The following MOGAT1 variants were observed in gnomAD, a reference collection of about 807,000 sequenced individuals.
MOGAT1 encodes monoacylglycerol O-acyltransferase 1, also known as 2-acylglycerol O-acyltransferase 1.
In MOGAT1, 32 loss-of-function variants were observed where a neutral mutation model predicts 31.4. The observed-to-expected ratio is 1.02, with a 90% CI of 0.77 to 1.37. The LOEUF (loss-of-function observed/expected upper bound fraction) is 1.37, where lower values mean the gene tolerates loss of function less well. Ranked by LOEUF, MOGAT1 falls within the 40% of genes most tolerant of loss-of-function variation. The pLI, the probability that MOGAT1 is intolerant of heterozygous loss-of-function variation, is 0.00. For missense variants in MOGAT1, 426 were observed against 402.0 expected (o/e 1.06, Z -0.51); for synonymous variants, 145 against 144.5 (o/e 1.00, Z -0.03).
At chr2:222,708,145 G>A (rs745953345) in intron 5 of MOGAT1, among the ~76,000 whole-genome samples, 12 of 152,242 alleles carry the variant, frequency 7.9e-5, no homozygotes, top group Non-Finnish European at 1.5e-4. Flanking sequence ...GTGCAGTGGC[G>A]CAATCCGGTC....
Position 222,688,490 on chromosome 2 carries a change from T to G in MOGAT1, c.241T>G (p.Trp81Gly). 6.2e-7 allele frequency: 1 copy of G among 1,613,576 alleles called. No individual in the cohort carries two copies. Among genetic ancestry groups the G allele is most frequent in the South Asian group, 1.1e-5 (1 of 90,946 alleles). ...CAGCTGGATCAAAAATTGGACTCTTTGGAAACACTTTAAGGACTATTTTCC... is the reference window on the plus strand; with the variant it reads ...CAGCTGGATCAAAAATTGGACTCTTGGGAAACACTTTAAGGACTATTTTCC... ...RSSWIKNWTL[W>G]KHFKDYFPIH... Residue 81 changes from tryptophan (W) to glycine (G), a missense_variant, in exon 2 of 6, where the codon TGG (tryptophan) becomes GGG (glycine). By Grantham distance (184) the Trp-to-Gly change is radical (BLOSUM62 -2). Transcript: ENST00000446656.
In MOGAT1 at chr2:222,685,729, T is replaced by G. The variant is rs183085720; in HGVS notation, c.95-2615T>G. On this transcript the variant is annotated intron_variant, in intron 1 of 5. Coordinates refer to ENST00000446656, the MANE Select transcript of MOGAT1 (RefSeq NM_058165.3). Reference sequence around the variant, plus strand: ...GATTCTCCTGCCTCAACCTCCGAAATAGCTGGGATTACAGGCACCCACCAC... The same window carrying G: ...GATTCTCCTGCCTCAACCTCCGAAAGAGCTGGGATTACAGGCACCCACCAC... Among the ~76,000 whole-genome samples the G allele has an allele frequency of 9.4e-3, 1,412 of 150,056 alleles. 26 individuals carry two copies. The highest frequency in any genetic ancestry group is 0.033 in the African/African-American group (1,349 of 40,790).
chr2:222,703,173 T>C (rs1256222185), intron 5 of MOGAT1, among the ~76,000 whole-genome samples: 2 of 152,054 alleles, frequency 1.3e-5, no homozygotes, highest in Admixed American at 6.6e-5. Context: ...AGAAAGGCAA[T>C]TGTGGAAAAA....
At chr2:222,698,108 G>A (rs547236351) in intron 5 of MOGAT1, among the ~76,000 whole-genome samples, 1 of 116,778 alleles carries the variant, frequency 8.6e-6, no homozygotes, top group East Asian at 2.0e-4. Context: ...CATAGCAGAT[G>A]GGGTTTTAGT....
intron 5 of MOGAT1, among the ~76,000 whole-genome samples, chr2:222,698,002 G>T (rs1236963514): frequency 6.6e-6 from 1 of 152,086 alleles, no homozygotes; most frequent in African/African-American, 2.4e-5. Flanking sequence ...CAGAAGGACC[G>T]AATTATCAGA....
chr2:222,701,765 G>T (rs991834200), intron 5 of MOGAT1, among the ~76,000 whole-genome samples: 1 of 152,232 alleles, frequency 6.6e-6, no homozygotes. Context: ...ATGCTCCAGC[G>T]CTGGCCACAT....
chr2:222,671,762 G>T lies in MOGAT1; in HGVS notation c.-24G>T, dbSNP rs1244195473. 5 of 1,544,776 alleles carry T rather than the reference G, an allele frequency of 3.2e-6. No individual in the cohort carries two copies. Among genetic ancestry groups the T allele is most frequent in the Non-Finnish European group, 4.4e-6 (5 of 1,142,754 alleles). On this transcript the variant is annotated 5_prime_UTR_variant, in exon 1 of 6. Coordinates refer to ENST00000446656, the MANE Select transcript of MOGAT1 (RefSeq NM_058165.3). ...GCGTGGGTGCAGGCTGCAGTGGCTG[G>T]CGCCGTCCTCGCCCGGCCAGGCCAT...
intron 1 of MOGAT1, among the ~76,000 whole-genome samples, chr2:222,672,155 C>T (rs1692427696): frequency 2.0e-5 from 3 of 152,214 alleles, no homozygotes; most frequent in African/African-American, 4.8e-5. Flanking sequence ...GGATACAGCT[C>T]GATGACTTTT....
Position 222,695,139 on chromosome 2 carries a change from A to C in MOGAT1, c.704A>C (p.Gln235Pro). Residue 235 changes from glutamine (Q) to proline (P), a missense_variant, in exon 5 of 6, where the codon CAA (glutamine) becomes CCA (proline). Coordinates refer to ENST00000446656, the MANE Select transcript of MOGAT1 (RefSeq NM_058165.3). ...VSFGENELFK[Q>P]TDNPEGSWIR... ...TTTGGTGAAAATGAACTGTTTAAACAAACTGACAACCCTGAAGGATCATGG... is the reference window on the plus strand; with the variant it reads ...TTTGGTGAAAATGAACTGTTTAAACCAACTGACAACCCTGAAGGATCATGG... 3 of 1,612,690 alleles carry C rather than the reference A, an allele frequency of 1.9e-6. No homozygotes were observed. The highest frequency in any genetic ancestry group is 2.5e-6 in the Non-Finnish European group (3 of 1,179,396).
chr2:222,709,632 A>C, intron 5 of MOGAT1, 104 bp from the exon 6 acceptor site: 1 of 1,008,898 alleles, frequency 9.9e-7, no homozygotes, highest in East Asian at 2.4e-5. Flanking sequence ...AGCAGGCTGG[A>C]GGGATTCTGA....
chr2:222,689,020 G>T (rs187531661), intron 2 of MOGAT1, among the ~76,000 whole-genome samples: 1 of 152,190 alleles, frequency 6.6e-6, no homozygotes, highest in South Asian at 2.1e-4. Context: ...AGGGAGAAAG[G>T]CTGCAATTTG....
chr2:222,705,257 T>C (rs1391854769), intron 5 of MOGAT1, among the ~76,000 whole-genome samples: 1 of 152,188 alleles, frequency 6.6e-6, no homozygotes, highest in African/African-American at 2.4e-5. Flanking sequence ...CAACCTGTTT[T>C]ATCAGCAAGG....
rs780309785 is a variant in MOGAT1 at position 222,694,761 on chromosome 2, C to T, written c.653+225C>T. Reference sequence around the variant, plus strand: ...AAACTTAACTCTAAAAGCAAAACAACGAGAACAACAACAAAAACCAACATT... The same window carrying T: ...AAACTTAACTCTAAAAGCAAAACAATGAGAACAACAACAAAAACCAACATT... On this transcript the variant is annotated intron_variant, in intron 4 of 5. Transcript: ENST00000446656. 9.9e-4 allele frequency among the ~76,000 whole-genome samples: 151 copies of T among 152,126 alleles called. 1 individual carries two copies. Among genetic ancestry groups the T allele is most frequent in the Admixed American group, 1.2e-3 (19 of 15,264 alleles).
chr2:222,673,785 A>T (rs1416973166), intron 1 of MOGAT1, among the ~76,000 whole-genome samples: 1 of 152,182 alleles, frequency 6.6e-6, no homozygotes, highest in East Asian at 1.9e-4. Flanking sequence ...GTATCTGTGT[A>T]TGGCTGTGGT....
intron 1 of MOGAT1, among the ~76,000 whole-genome samples, chr2:222,674,073 G>T (rs999874635): frequency 1.3e-5 from 2 of 152,178 alleles, no homozygotes; most frequent in African/African-American, 4.8e-5. Context: ...AAGGAACTAG[G>T]AGATAAAGTG....
intron 5 of MOGAT1, among the ~76,000 whole-genome samples, chr2:222,700,328 A>G (rs187860740): frequency 4.4e-4 from 67 of 152,348 alleles, no homozygotes; most frequent in Non-Finnish European, 8.2e-4. Context: ...CAAGGGTTGA[A>G]TGGAATTACT....
chr2:222,679,259 A>T (rs1350303568), intron 1 of MOGAT1, among the ~76,000 whole-genome samples: 1 of 152,152 alleles, frequency 6.6e-6, no homozygotes. Context: ...ATCTATCTTG[A>T]TGCCAGTACC....
rs201457540 is a variant in MOGAT1 at position 222,688,455 on chromosome 2, G to A, written c.206G>A (p.Gly69Asp). ...YFDWHTPERG[G>D]RRSSWIKNWT... ...GACTGGCATACCCCAGAGCGAGGAG[G>A]CAGGAGATCCAGCTGGATCAAAAAT... The change falls in exon 2 of 6, where the codon GGC becomes GAC. Residue 69 changes from glycine to aspartate, a missense_variant. By Grantham distance (94) the Gly-to-Asp change is moderately conservative. Coordinates refer to ENST00000446656, the MANE Select transcript of MOGAT1 (RefSeq NM_058165.3). The A allele has an allele frequency of 3.1e-6, 5 of 1,613,634 alleles. No homozygotes were observed. Among genetic ancestry groups the A allele is most frequent in the Admixed American group, 3.3e-5 (2 of 59,958 alleles).
At chr2:222,685,166 T>C (rs925927882) in intron 1 of MOGAT1, among the ~76,000 whole-genome samples, 11 of 151,962 alleles carry the variant, frequency 7.2e-5, no homozygotes, top group African/African-American at 2.7e-4. Flanking sequence ...AAAAGGAAAA[T>C]TTTAAGAGTA....
Sources: gnomAD v4.1 joint callset for allele counts (sites outside exome capture counted in the v4.1 genomes callset) on GRCh38, gnomAD v4.1.1 for gene constraint, MANE v1.5 for transcripts, NCBI Gene and HGNC (gene_info 2026-07-23, HGNC 2026-07-21) for gene names.